Variants in SIN3B observed in about 807,000 individuals in gnomAD.
SIN3B encodes the protein SIN3 transcription regulator family member B, also known as paired amphipathic helix protein Sin3b.
A neutral mutation model predicts 120.2 loss-of-function variants in SIN3B; 19 were observed. That is an observed-to-expected ratio of 0.16 (90% CI 0.11 to 0.23). The LOEUF is 0.23. Ranked by LOEUF, SIN3B falls within the 10% of genes least tolerant of loss-of-function variation. The pLI is 1.00. For synonymous variants in SIN3B, 654 were observed against 653.2 expected (o/e 1.00, Z -0.02); for missense variants, 1,073 against 1,573.0 (o/e 0.68, Z 5.38).
At chr19:16,853,298 C>A (rs1971568757) in intron 7 of SIN3B, 140 bp downstream of exon 7, 1 of 724,654 alleles carries the variant, frequency 1.4e-6, no homozygotes, top group Non-Finnish European at 2.3e-6. Flanking sequence ...GGGGCTGGCC[C>A]CCAGCTTTCA....
At chr19:16,857,789 G>C (rs1303494545) in intron 8 of SIN3B, among the ~76,000 whole-genome samples, 1 of 152,196 alleles carries the variant, frequency 6.6e-6, no homozygotes. Flanking sequence ...AGCCACCCAG[G>C]TGGGCATCGC....
intron 4 of SIN3B, among the ~76,000 whole-genome samples, chr19:16,843,431 G>A (rs1971442953): frequency 6.6e-6 from 1 of 152,242 alleles, no homozygotes; most frequent in African/African-American, 2.4e-5. Context: ...ATGGGCCTTA[G>A]CATCTGTGAG....
chr19:16,834,171 G>C (rs548852641), intron 3 of SIN3B, among the ~76,000 whole-genome samples: 1 of 152,254 alleles, frequency 6.6e-6, no homozygotes, highest in Admixed American at 6.5e-5. Context: ...CTGATCTCCA[G>C]AACAGTCACG....
chr19:16,869,343 C>T lies in SIN3B; in HGVS notation c.1807-117C>T, dbSNP rs1479419662. 3.7e-6 allele frequency: 5 copies of T among 1,351,236 alleles called. 1 individual carries two copies. Among genetic ancestry groups the T allele is most frequent in the Admixed American group, 4.8e-5 (2 of 41,310 alleles). 83.7% of individuals were successfully genotyped at this position (1,351,236 alleles called of 1,614,324 possible). On this transcript the variant is annotated intron_variant, in intron 12 of 18. Transcript: ENST00000248054. ...TCACCGATGTTCGCCACCCATCCTG[C>T]TCTGGGCAGCGCTCATCCACCTTGG...
intron 5 of SIN3B, among the ~76,000 whole-genome samples, chr19:16,849,184 G>T (rs1340863010): frequency 6.6e-6 from 1 of 152,204 alleles, no homozygotes; most frequent in Non-Finnish European, 1.5e-5. Context: ...GTAGGAAAAA[G>T]AAACCAAGAT....
At chr19:16,875,913 G>T (rs1156743209) in intron 14 of SIN3B, 142 bp from the exon 15 acceptor site, 3 of 1,033,834 alleles carry the variant, frequency 2.9e-6, no homozygotes, top group Non-Finnish European at 4.1e-6. Context: ...CCCACAGCCT[G>T]TCAGGATTCT....
chr19:16,857,515 A>AATGTGTGTG (rs1491555514), intron 8 of SIN3B, among the ~76,000 whole-genome samples: 5 of 62,162 alleles, frequency 8.0e-5, no homozygotes, highest in African/African-American at 1.9e-4. Context: ...CTTAAAAAAA[A>AATGTGTGTG]TATGTGTGTG....
intron 2 of SIN3B, among the ~76,000 whole-genome samples, chr19:16,830,182 A>G (rs1384729859): frequency 6.6e-6 from 1 of 152,178 alleles, no homozygotes; most frequent in Non-Finnish European, 1.5e-5. Flanking sequence ...TTGATTTAAT[A>G]TGTTGATTTT....
intron 3 of SIN3B, among the ~76,000 whole-genome samples, chr19:16,838,760 T>G (rs1422621855): frequency 6.6e-6 from 1 of 151,812 alleles, no homozygotes; most frequent in Non-Finnish European, 1.5e-5. Flanking sequence ...AAACTTCTGC[T>G]TCTCAGGTTC....
chr19:16,868,059 A>C (rs1257355080), intron 12 of SIN3B, among the ~76,000 whole-genome samples: 1 of 152,212 alleles, frequency 6.6e-6, no homozygotes, highest in African/African-American at 2.4e-5. Context: ...ATGAATTCCA[A>C]AGTCAGAACC....
At chr19:16,843,128 T>A (rs1168127235) in intron 4 of SIN3B, among the ~76,000 whole-genome samples, 1 of 152,104 alleles carries the variant, frequency 6.6e-6, no homozygotes, top group Non-Finnish European at 1.5e-5. Flanking sequence ...AACAGAATCT[T>A]GCGCTGTCAC....
chr19:16,859,525 C>G (rs565149263), intron 8 of SIN3B, among the ~76,000 whole-genome samples: 2 of 152,160 alleles, frequency 1.3e-5, no homozygotes, highest in Non-Finnish European at 2.9e-5. Context: ...CAAGCTGAGC[C>G]CATCAGAAGG....
intron 8 of SIN3B, among the ~76,000 whole-genome samples, chr19:16,860,459 G>C (rs1346659339): frequency 2.6e-5 from 4 of 152,026 alleles, no homozygotes; most frequent in Non-Finnish European, 5.9e-5. Context: ...TTTTCCTTGT[G>C]AGCAGGGTTG....
Position 16,871,242 on chromosome 19 carries a change from G to A in SIN3B, c.2436G>A (p.Leu812=), listed in dbSNP as rs778000064. 2 of 1,614,202 alleles carry A rather than the reference G, an allele frequency of 1.2e-6. No individual in the cohort carries two copies. The highest frequency in any genetic ancestry group is 1.7e-6 in the Non-Finnish European group (2 of 1,180,014). Residue 812 remains leucine, a synonymous_variant, in exon 14 of 19, where the codon CTG becomes CTA. Transcript: ENST00000248054. ...LRLKQPSEVE[L]EEYYPAFLDM... ...GTGTCTCCGCAGGTGAAGTGGAGCTGGAGGAGTACTACCCGGCCTTCCTGG... is the reference window on the plus strand; with the variant it reads ...GTGTCTCCGCAGGTGAAGTGGAGCTAGAGGAGTACTACCCGGCCTTCCTGG...
Position 16,871,240 on chromosome 19 carries a change from C to CT in SIN3B, c.2435dup (p.Glu813GlyfsTer60). On this transcript the variant is annotated frameshift_variant, in exon 14 of 19. Coordinates refer to ENST00000248054, the MANE Select transcript of SIN3B (RefSeq NM_001297595.2). LOFTEE classifies it high-confidence loss of function. ...GTGTGTCTCCGCAGGTGAAGTGGAG[C>CT]TGGAGGAGTACTACCCGGCCTTCCT... is the stretch of plus-strand genomic sequence containing the variant. 1 of 1,614,170 alleles carries CT rather than the reference C, an allele frequency of 6.2e-7. No homozygotes were observed. The highest frequency in any genetic ancestry group is 8.5e-7 in the Non-Finnish European group (1 of 1,180,012).
Position 16,878,506 on chromosome 19 carries a change from C to G in SIN3B, c.3172C>G (p.Leu1058Val). Residue 1058 changes from leucine to valine, a missense_variant, in exon 19 of 19, where the codon CTG (leucine) becomes GTG (valine). Leu to Val is a conservative substitution (Grantham distance 32). Transcript: ENST00000248054. ...CCGGCCTCTTCAACAGGTGCAGCCCCTGGTCCTGCTCCGCCACCACCAGCA... is the reference window on the plus strand; with the variant it reads ...CCGGCCTCTTCAACAGGTGCAGCCCGTGGTCCTGCTCCGCCACCACCAGCA... The part of the protein sequence containing the change: ...TLCRAKQVQP[L>V]VLLRHHQHFE... 3 of 1,574,354 alleles carry G rather than the reference C, an allele frequency of 1.9e-6. No homozygotes were observed. The highest frequency in any genetic ancestry group is 2.6e-6 in the Non-Finnish European group (3 of 1,160,296).
At chr19:16,875,183 GGTCTGGTCTGGTCTGGTCTGGTCT>G (rs1280174628) in intron 14 of SIN3B, among the ~76,000 whole-genome samples, 30 of 137,274 alleles carry the variant, frequency 2.2e-4, no homozygotes, top group Admixed American at 3.7e-4. Flanking sequence ...TGGTCTGTTT[GGTCTGGTCTGGTCTGGTCTGGTCT>G]GTCTGGTCTG....
intron 3 of SIN3B, 33 bp from the exon 4 acceptor site, chr19:16,841,735 G>C (rs371778007): frequency 6.3e-7 from 1 of 1,596,406 alleles, no homozygotes. Context: ...TTCCAGTGTC[G>C]GGCCTGGCAG....
intron 14 of SIN3B, among the ~76,000 whole-genome samples, chr19:16,875,452 T>C (rs1354824764): frequency 1.4e-5 from 2 of 143,392 alleles, no homozygotes; most frequent in African/African-American, 5.2e-5. Flanking sequence ...TTGGTCTGGT[T>C]TGGGTCTGGT....
Sources: allele counts gnomAD v4.1 joint callset (sites outside exome capture counted in the v4.1 genomes callset), GRCh38; gene constraint gnomAD v4.1.1; transcripts MANE v1.5; gene names NCBI Gene and HGNC (gene_info 2026-07-23, HGNC 2026-07-21).